The following AIG1 variants were observed in gnomAD, a reference collection of about 807,000 sequenced individuals.
The protein encoded by AIG1 is androgen induced 1, also known as androgen-induced gene 1 protein.
Under a neutral mutation model 31.4 loss-of-function variants are expected in AIG1, and 23 were observed. That is an observed-to-expected ratio of 0.73 (90% CI 0.53 to 1.04). The LOEUF is 1.04. Among genes scored for constraint, AIG1 ranks in the 50% least tolerant of loss-of-function variants. The pLI, the probability that AIG1 is intolerant of heterozygous loss-of-function variation, is 0.00. For synonymous variants in AIG1, 100 were observed against 110.5 expected (o/e 0.90, Z 0.60); for missense variants, 274 against 295.0 (o/e 0.93, Z 0.52).
At chr6:143,088,595 C>T (rs773331872) in intron 1 of AIG1, among the ~76,000 whole-genome samples, 1 of 152,190 alleles carries the variant, frequency 6.6e-6, no homozygotes, top group Non-Finnish European at 1.5e-5. Context: ...ACCTTTGGTG[C>T]TCATCCAGTG....
intron 1 of AIG1, among the ~76,000 whole-genome samples, chr6:143,081,009 G>T (rs1353282704): frequency 6.6e-6 from 1 of 152,178 alleles, no homozygotes; most frequent in Non-Finnish European, 1.5e-5. Context: ...TTTGGCTAAG[G>T]AGGTGATGTC....
chr6:143,311,991 T>C (rs1318491321), intron 4 of AIG1, among the ~76,000 whole-genome samples: 1 of 151,838 alleles, frequency 6.6e-6, no homozygotes, highest in African/African-American at 2.4e-5. Context: ...TAACTAGTAA[T>C]CAACTTAACA....
At chr6:143,103,523 T>G (rs78388151) in intron 1 of AIG1, among the ~76,000 whole-genome samples, 2 of 146,188 alleles carry the variant, frequency 1.4e-5, no homozygotes, top group Non-Finnish European at 3.0e-5. Flanking sequence ...TTTTTTTTTT[T>G]TTGAGACGGA....
chr6:143,129,991 CATG>C (rs1331394648), intron 1 of AIG1, among the ~76,000 whole-genome samples: 3 of 147,802 alleles, frequency 2.0e-5, no homozygotes, highest in Non-Finnish European at 4.4e-5. Context: ...AGTGCAGTGG[CATG>C]ATCCTGGCTC....
intron 1 of AIG1, among the ~76,000 whole-genome samples, chr6:143,130,297 G>A (rs1783096648): frequency 6.6e-6 from 1 of 152,118 alleles, no homozygotes; most frequent in African/African-American, 2.4e-5. Flanking sequence ...AGTTTGTGAA[G>A]TAGGAAAATC....
rs1310058073 is a variant in AIG1, at chr6:143,331,336, C to T, written c.516-1946C>T. ...CATCCCCCCACATAAACTCTGTTCC[C>T]GTTAAACAATAACTCCCTATTCTCC... On this transcript the variant is annotated intron_variant, in intron 4 of 5. Transcript: ENST00000357847. This position sits in a 1 kb window ranked among gnomAD's most constrained non-coding sequence, Gnocchi z 4.1. Among the ~76,000 whole-genome samples, 6 of 152,050 alleles carry T rather than the reference C, an allele frequency of 3.9e-5. No individual in the cohort carries two copies. Among genetic ancestry groups the T allele is most frequent in the Admixed American group, 1.3e-4 (2 of 15,240 alleles).
chr6:143,163,737 G>A (rs1786642339), intron 2 of AIG1, among the ~76,000 whole-genome samples: 1 of 152,152 alleles, frequency 6.6e-6, no homozygotes, highest in Admixed American at 6.5e-5. Context: ...TCACTTTAAA[G>A]GGAAGAATGC....
chr6:143,086,970 G>C (rs981171531), intron 1 of AIG1, among the ~76,000 whole-genome samples: 4 of 152,178 alleles, frequency 2.6e-5, no homozygotes, highest in African/African-American at 9.7e-5. Flanking sequence ...GAAAGCGGAA[G>C]CTGGTTCCAG....
intron 3 of AIG1, chr6:143,187,470 C>T: frequency 3.9e-6 from 6 of 1,535,630 alleles, no homozygotes; most frequent in Non-Finnish European, 4.4e-6. Context: ...GCACTCGACA[C>T]TCTGCTCAAT....
Position 143,174,348 on chromosome 6 carries a change from G to A in AIG1, c.399+9165G>A, listed in dbSNP as rs528050558. Among the ~76,000 whole-genome samples the A allele has an allele frequency of 1.4e-4, 21 of 152,084 alleles. No homozygotes were observed. The East Asian group carries it at 2.7e-3, about 20-fold the overall frequency. ...TTAAAAATGCAAAAATTAGCCAGGC[G>A]TGGTGGCAGGCACCTGTAATCCCGG... On this transcript the variant is annotated intron_variant, in intron 3 of 5. Coordinates refer to ENST00000357847, the MANE Select transcript of AIG1 (RefSeq NM_016108.4).
rs1288548989 is a variant in AIG1, at chr6:143,284,172, C to A, written c.462C>A (p.Ser154Arg). ...EMRTSHHQYPSRSSGLTAICT... is the reference protein window; with the variant it reads ...EMRTSHHQYPRRSSGLTAICT... ...GGACATCGCACCATCAGTATCCCAG[C>A]AGGAGCAGCGGACTTACCGCCATAT... The change falls in exon 4 of 6, where the codon AGC becomes AGA. Residue 154 changes from serine (S) to arginine (R), a missense_variant. Transcript: ENST00000357847. The surrounding 1 kb of genome is among the most constrained non-coding windows in gnomAD (Gnocchi z 4.4). 1 of 1,614,106 alleles carries A rather than the reference C, an allele frequency of 6.2e-7. No individual in the cohort carries two copies. The highest frequency in any genetic ancestry group is 1.7e-4 in the Middle Eastern group (1 of 6,056).
intron 4 of AIG1, among the ~76,000 whole-genome samples, chr6:143,319,474 G>GGA (rs1776029668): frequency 6.6e-6 from 1 of 152,154 alleles, no homozygotes; most frequent in South Asian, 2.1e-4. Flanking sequence ...GGGACTCCAG[G>GGA]GAGAGTGGTA....
chr6:143,061,022 C>A lies in AIG1; in HGVS notation c.97C>A (p.Gln33Lys). The A allele has an allele frequency of 6.2e-7, 1 of 1,613,604 alleles. No individual in the cohort carries two copies. Among genetic ancestry groups the A allele is most frequent in the Non-Finnish European group, 8.5e-7 (1 of 1,179,798 alleles). The change falls in exon 1 of 6, where the codon CAG becomes AAG. Residue 33 changes from glutamine to lysine, a missense_variant. Physicochemically the swap from Gln to Lys is moderately conservative, Grantham distance 53 (BLOSUM62 1). Transcript: ENST00000357847. ...CAAGGCCATCGAAATGCCCTCACAC[C>A]AGACCTACGGAGGGAGCTGGAAATT... ...NYKAIEMPSH[Q>K]TYGGSWKFLT...
At chr6:143,320,005 A>G (rs1776075567) in intron 4 of AIG1, among the ~76,000 whole-genome samples, 2 of 152,170 alleles carry the variant, frequency 1.3e-5, no homozygotes, top group Admixed American at 1.3e-4. Context: ...TAAGGACATC[A>G]TCCAATGCAA....
intron 2 of AIG1, among the ~76,000 whole-genome samples, chr6:143,155,779 G>A (rs1001893989): frequency 5.9e-5 from 9 of 152,146 alleles, no homozygotes; most frequent in Admixed American, 1.3e-4. Context: ...TGGTGAAGAG[G>A]GTCCCTGGAA....
intron 2 of AIG1, among the ~76,000 whole-genome samples, chr6:143,160,936 A>C (rs1786305791): frequency 6.6e-6 from 1 of 152,206 alleles, no homozygotes. Flanking sequence ...TAGGGATCAA[A>C]GTATTGACCA....
intron 3 of AIG1, among the ~76,000 whole-genome samples, chr6:143,176,355 C>T: frequency 6.6e-6 from 1 of 152,010 alleles, no homozygotes; most frequent in Non-Finnish European, 1.5e-5. Context: ...ACCCTAGGGT[C>T]GCCTTTGGGT....
At chr6:143,073,458 C>G (rs58851256) in intron 1 of AIG1, among the ~76,000 whole-genome samples, 38,322 of 152,072 alleles carry the variant, frequency 0.25, 8,734 homozygotes, top group African/African-American at 0.58. Context: ...CCTCCATACT[C>G]TTTTTCGTAT....
Position 143,136,896 on chromosome 6 carries a change from G to C in AIG1, c.203G>C (p.Arg68Pro). The change falls in exon 2 of 6, where the codon CGA becomes CCA. Residue 68 changes from arginine (R) to proline (P), a missense_variant. Physicochemically the swap from Arg to Pro is moderately radical, Grantham distance 103. Transcript: ENST00000357847. ...ACTGATCTTTCCAGTCTTCTGACTC[G>C]AGGAAGTGGGAACCAGGAGCAAGAG... ...VLTDLSSLLT[R>P]GSGNQEQERQ... 6.5e-7 allele frequency: 1 copy of C among 1,532,252 alleles called. No homozygotes were observed. Among genetic ancestry groups the C allele is most frequent in the Non-Finnish European group, 8.9e-7 (1 of 1,128,570 alleles). 94.9% of individuals were successfully genotyped at this position (1,532,252 alleles called of 1,614,324 possible). A position where few individuals can be genotyped will look rare whatever the true frequency, so the allele number is the denominator to read the frequency against.
Sources: allele counts gnomAD v4.1 joint callset (sites outside exome capture counted in the v4.1 genomes callset), GRCh38; gene constraint gnomAD v4.1.1; non-coding constraint Gnocchi (gnomAD v3.1); transcripts MANE v1.5; gene names NCBI Gene and HGNC (gene_info 2026-07-23, HGNC 2026-07-21).